The following LPIN1 variants were observed in gnomAD, a reference collection of about 807,000 sequenced individuals.
LPIN1 encodes phosphatidate phosphatase LPIN1.
Under a neutral mutation model 107.5 loss-of-function variants are expected in LPIN1, and 71 were observed. That is an observed-to-expected ratio of 0.66 (90% CI 0.55 to 0.80). The LOEUF (loss-of-function observed/expected upper bound fraction) is 0.80, where lower values mean the gene tolerates loss of function less well. Among genes scored for constraint, LPIN1 ranks in the 30% least tolerant of loss-of-function variants. The pLI is 0.00. For synonymous variants in LPIN1, 445 were observed against 452.6 expected (o/e 0.98, Z 0.21); for missense variants, 1,043 against 1,160.6 (o/e 0.90, Z 1.47).
upstream of LPIN1, among the ~76,000 whole-genome samples, chr2:11,742,988 C>T (rs1239434530): frequency 1.3e-5 from 2 of 152,254 alleles, no homozygotes; most frequent in Non-Finnish European, 2.9e-5. Flanking sequence ...GCTTAGGCCA[C>T]CAAGGTCAGG....
At chr2:11,685,625 T>G (rs921806797) in intron 1 of LPIN1, among the ~76,000 whole-genome samples, 1 of 152,236 alleles carries the variant, frequency 6.6e-6, no homozygotes, top group Non-Finnish European at 1.5e-5. Flanking sequence ...ACTCCAGATC[T>G]GGTGCATCCT....
chr2:11,788,529 T>TTGGAAA (rs1675078102), intron 12 of LPIN1, 73 bp downstream of exon 12: 1 of 1,197,480 alleles, frequency 8.4e-7, no homozygotes, highest in Admixed American at 1.7e-5. Context: ...GGTTGGAATT[T>TTGGAAA]CACTTTTATT....
intron 13 of LPIN1, among the ~76,000 whole-genome samples, chr2:11,793,227 CCTCA>C (rs1676091231): frequency 6.6e-6 from 1 of 152,168 alleles, no homozygotes; most frequent in African/African-American, 2.4e-5. Flanking sequence ...ATGCTTTTAG[CCTCA>C]CTCCCACACC....
intron 17 of LPIN1, among the ~76,000 whole-genome samples, chr2:11,813,215 A>C (rs905869606): frequency 6.6e-6 from 1 of 152,086 alleles, no homozygotes; most frequent in Non-Finnish European, 1.5e-5. Flanking sequence ...GCAGCTTGGG[A>C]GAGGGGTCTG....
intron 14 of LPIN1, among the ~76,000 whole-genome samples, chr2:11,798,476 C>T (rs1013525225): frequency 5.9e-5 from 9 of 152,138 alleles, no homozygotes; most frequent in Non-Finnish European, 8.8e-5. Context: ...GCTCTTCCCA[C>T]GTTGGAACCT....
intron 1 of LPIN1, among the ~76,000 whole-genome samples, chr2:11,690,905 A>G (rs1015687425): frequency 1.3e-5 from 2 of 151,976 alleles, no homozygotes; most frequent in African/African-American, 2.4e-5. Context: ...ATGTATCTCA[A>G]TTATTCTCAT....
chr2:11,752,394 A>G (rs1667933435), intron 1 of LPIN1, among the ~76,000 whole-genome samples: 2 of 137,166 alleles, frequency 1.5e-5, no homozygotes, highest in Non-Finnish European at 3.1e-5. Context: ...AACTGTCTAT[A>G]TGTTTTGTCC....
At chr2:11,686,991 T>C (rs1662040142) in intron 1 of LPIN1, among the ~76,000 whole-genome samples, 1 of 138,760 alleles carries the variant, frequency 7.2e-6, no homozygotes, top group Non-Finnish European at 1.5e-5. Flanking sequence ...TAGCTTTTGA[T>C]CCTTTTTTTT....
intron 1 of LPIN1, among the ~76,000 whole-genome samples, chr2:11,762,506 G>T (rs1220654988): frequency 6.6e-6 from 1 of 152,112 alleles, no homozygotes; most frequent in Non-Finnish European, 1.5e-5. Context: ...TGGCAGCTGT[G>T]GTCCAGCCCC....
intron 1 of LPIN1, chr2:11,741,249 G>T: frequency 1.2e-6 from 1 of 821,742 alleles, no homozygotes. Flanking sequence ...AAGTTGCTGG[G>T]TTAACCTCTG....
chr2:11,788,541 T>A, intron 12 of LPIN1, 85 bp downstream of exon 12: 1 of 1,050,748 alleles, frequency 9.5e-7, no homozygotes. Flanking sequence ...ACTTTTATTT[T>A]GGAAACTACA....
At chr2:11,773,830 A>G (rs191227312) in intron 5 of LPIN1, 85 bp downstream of exon 5, 239 of 1,500,964 alleles carry the variant, frequency 1.6e-4, no homozygotes, top group Admixed American at 5.3e-4. Flanking sequence ...AATGAAATAG[A>G]AATGAAAAGT....
chr2:11,824,516 T>C, intron 20 of LPIN1, 116 bp from the exon 21 acceptor site: 1 of 938,816 alleles, frequency 1.1e-6, no homozygotes, highest in Non-Finnish European at 1.7e-6. Context: ...TTGAGTCGTG[T>C]CGATAAGTAG....
chr2:11,712,084 C>T (rs1401511319), intron 1 of LPIN1, among the ~76,000 whole-genome samples: 3 of 152,228 alleles, frequency 2.0e-5, no homozygotes, highest in African/African-American at 4.8e-5. Context: ...TGGGAGCACG[C>T]GAGGCCTTCG....
At chr2:11,754,428 T>G (rs912456962) in intron 1 of LPIN1, among the ~76,000 whole-genome samples, 1 of 152,200 alleles carries the variant, frequency 6.6e-6, no homozygotes, top group East Asian at 1.9e-4. Context: ...GCCAGAGAAG[T>G]CTTCAATCAC....
chr2:11,702,760 TTCTCTGTCTC>T (rs757372879), intron 1 of LPIN1, among the ~76,000 whole-genome samples: 13 of 152,214 alleles, frequency 8.5e-5, no homozygotes, highest in Non-Finnish European at 1.3e-4. Flanking sequence ...CTGTCTCTGC[TTCTCTGTCTC>T]TCTCTGTCTC....
At chr2:11,814,165 TGAG>T (rs564263019) in intron 17 of LPIN1, among the ~76,000 whole-genome samples, 47 of 152,064 alleles carry the variant, frequency 3.1e-4, no homozygotes, top group Non-Finnish European at 4.7e-4. Flanking sequence ...CGGTGGCTGC[TGAG>T]GAGGAGAACA....
intron 1 of LPIN1, among the ~76,000 whole-genome samples, chr2:11,687,017 T>C (rs867174870): frequency 2.0e-4 from 21 of 103,736 alleles, no homozygotes; most frequent in Middle Eastern, 0.01. Flanking sequence ...TTTTTTTTTT[T>C]TGAGATGAGG....
rs369135035 is a variant in LPIN1, at chr2:11,805,126, G to A, written c.2219G>A (p.Gly740Asp). Residue 740 changes from glycine (G) to aspartate (D), a missense_variant, in exon 17 of 21, where the codon GGC becomes GAC. Transcript: ENST00000674199. ...PTLGKDWTHQ[G>D]IAKLYHKVSQ... ...CTTGGGAAGGATTGGACCCATCAGGGCATCGCTAAGCTGTACCATAAAGTG... is the reference window on the plus strand; with the variant it reads ...CTTGGGAAGGATTGGACCCATCAGGACATCGCTAAGCTGTACCATAAAGTG... The A allele has an allele frequency of 6.1e-5, 99 of 1,613,870 alleles. No individual in the cohort carries two copies. The highest frequency in any genetic ancestry group is 1.0e-4 in the Admixed American group (6 of 60,006).
Sources: gnomAD v4.1 joint callset for allele counts (sites outside exome capture counted in the v4.1 genomes callset) on GRCh38, gnomAD v4.1.1 for gene constraint, MANE v1.5 for transcripts, NCBI Gene and HGNC (gene_info 2026-07-23, HGNC 2026-07-21) for gene names.